The following IQCM variants were observed in gnomAD, a reference collection of about 807,000 sequenced individuals.
IQCM encodes IQ domain-containing protein M.
Under a neutral mutation model 57.6 loss-of-function variants are expected in IQCM, and 45 were observed. The observed-to-expected ratio is 0.78, with a 90% CI of 0.62 to 1.00. The LOEUF (loss-of-function observed/expected upper bound fraction) is 1.00. IQCM is among the 50% of genes least tolerant of loss of function. The pLI, the probability that IQCM is intolerant of heterozygous loss-of-function variation, is 0.00. For missense variants in IQCM, 468 were observed against 511.6 expected (o/e 0.91, Z 0.82); for synonymous variants, 148 against 158.9 (o/e 0.93, Z 0.51).
chr4:149,615,579 T>C lies in IQCM; in HGVS notation c.681+5550A>G, dbSNP rs184909055. On this transcript the variant is annotated intron_variant, in intron 8 of 13. Transcript: ENST00000636793. ...TAAAGCATAAAGACATATAGCACTA[T>C]TGATTTTTTTAATTAGAACTAAAAA... 3.1e-3 allele frequency among the ~76,000 whole-genome samples: 465 copies of C among 152,294 alleles called. 9 individuals are homozygous for C. The highest frequency in any genetic ancestry group is 0.01 in the African/African-American group (417 of 41,566).
At chr4:149,608,067 G>C (rs1336169574) in intron 8 of IQCM, among the ~76,000 whole-genome samples, 1 of 151,320 alleles carries the variant, frequency 6.6e-6, no homozygotes, top group Non-Finnish European at 1.5e-5. Context: ...TTAAAATAAA[G>C]GAATGGAAAA....
intron 2 of IQCM, among the ~76,000 whole-genome samples, chr4:149,806,613 G>A (rs1251186007): frequency 6.6e-6 from 1 of 151,888 alleles, no homozygotes; most frequent in Non-Finnish European, 1.5e-5. Context: ...TTGAGAAATG[G>A]TAATGAACTT....
rs1457888007 is a variant in IQCM, at chr4:149,580,739, AG to A, written c.749+7190del. ...ACACGTAATTATTTCAATTTTGAAA[AG>A]TTGTTATGGGATATTCCAGTGAAGA... On this transcript the variant is annotated intron_variant, in intron 9 of 13. Coordinates refer to ENST00000636793, the MANE Select transcript of IQCM (RefSeq NM_001363507.2). 4.0e-5 allele frequency among the ~76,000 whole-genome samples: 6 copies of A among 151,762 alleles called. No individual in the cohort carries two copies. The East Asian group carries it at 1.2e-3, about 30-fold the overall frequency.
intron 12 of IQCM, among the ~76,000 whole-genome samples, chr4:149,445,526 G>A (rs1736414195): frequency 6.6e-6 from 1 of 151,774 alleles, no homozygotes; most frequent in Non-Finnish European, 1.5e-5. Flanking sequence ...AACCTGGTAA[G>A]ATCAAATATA....
intron 12 of IQCM, among the ~76,000 whole-genome samples, chr4:149,514,925 G>A (rs909541121): frequency 1.8e-4 from 28 of 152,168 alleles, no homozygotes; most frequent in Admixed American, 1.5e-3. Context: ...TGTGCTGGAT[G>A]CTTCCTGCCC....
intron 12 of IQCM, chr4:149,514,624 C>A (rs535451016): frequency 2.0e-5 from 3 of 152,332 alleles, no homozygotes; most frequent in Admixed American, 6.5e-5. Flanking sequence ...GGCAGCTATA[C>A]GCTGCAGGTT....
intron 2 of IQCM, among the ~76,000 whole-genome samples, chr4:149,776,022 A>G (rs1460658350): frequency 1.3e-5 from 2 of 152,162 alleles, no homozygotes; most frequent in African/African-American, 4.8e-5. Flanking sequence ...GTGCTCTTAC[A>G]AATTAAGCCA....
chr4:149,687,758 A>G (rs1762650961), intron 5 of IQCM, among the ~76,000 whole-genome samples: 1 of 151,996 alleles, frequency 6.6e-6, no homozygotes, highest in Non-Finnish European at 1.5e-5. Context: ...ACCATGATCA[A>G]GTGGGTTTCA....
chr4:149,398,347 T>C (rs375701971), intron 13 of IQCM, among the ~76,000 whole-genome samples: 50 of 152,196 alleles, frequency 3.3e-4, no homozygotes, highest in African/African-American at 1.0e-3. Flanking sequence ...TTATTTGTGG[T>C]CTTTTGTAGT....
At chr4:149,474,310 A>G (rs1739934052) in intron 12 of IQCM, among the ~76,000 whole-genome samples, 1 of 152,128 alleles carries the variant, frequency 6.6e-6, no homozygotes, top group Non-Finnish European at 1.5e-5. Flanking sequence ...CAGGCCAGTA[A>G]TCCCAGAACT....
At chr4:149,768,207 G>A (rs542708114) in intron 2 of IQCM, among the ~76,000 whole-genome samples, 43 of 152,222 alleles carry the variant, frequency 2.8e-4, no homozygotes, top group Middle Eastern at 3.4e-3. Flanking sequence ...TAAATTGTTA[G>A]TAATCATGCC....
At chr4:149,354,382 A>AAAAAAAAAAAAAAAAAC (rs764445072) in intron 13 of IQCM, among the ~76,000 whole-genome samples, 1 of 136,486 alleles carries the variant, frequency 7.3e-6, no homozygotes, top group Non-Finnish European at 1.6e-5. Flanking sequence ...AAAAAAAAAA[A>AAAAAAAAAAAAAAAAAC]AAAAAAACTG....
chr4:149,788,560 T>G (rs1772287942), intron 2 of IQCM, among the ~76,000 whole-genome samples: 1 of 152,082 alleles, frequency 6.6e-6, no homozygotes, highest in African/African-American at 2.4e-5. Flanking sequence ...TGTAAATGAG[T>G]ACAGCCACTA....
intron 2 of IQCM, among the ~76,000 whole-genome samples, chr4:149,797,904 C>A (rs1201519632): frequency 2.0e-5 from 3 of 151,398 alleles, no homozygotes; most frequent in African/African-American, 7.3e-5. Flanking sequence ...GTGATTTCAT[C>A]AACACCATAC....
intron 13 of IQCM, among the ~76,000 whole-genome samples, chr4:149,368,771 C>CAT (rs199541659): frequency 0.014 from 1,026 of 73,276 alleles, 150 homozygotes; most frequent in Non-Finnish European, 0.024. Flanking sequence ...TATATATATA[C>CAT]ATATATATAC....
intron 13 of IQCM, among the ~76,000 whole-genome samples, chr4:149,370,440 A>G (rs1422321178): frequency 6.6e-6 from 1 of 152,060 alleles, no homozygotes; most frequent in African/African-American, 2.4e-5. Flanking sequence ...TTTAGCTGTT[A>G]TTATTCCCCT....
rs1773543373 is a variant in IQCM at position 149,800,901 on chromosome 4, T to A, written c.-49+14410A>T. 2.6e-5 allele frequency among the ~76,000 whole-genome samples: 4 copies of A among 151,928 alleles called. No individual in the cohort carries two copies. The South Asian group carries it at 8.3e-4, about 31-fold the overall frequency. On this transcript the variant is annotated intron_variant, in intron 2 of 13. Transcript: ENST00000636793. The stretch of plus-strand genomic sequence containing the variant: ...AGAGTCAATATTGTTAAAAAGTCCA[T>A]ACTTCCCAAAGCACTCACAAATTCA...
chr4:149,655,109 C>A (rs1759523919), intron 7 of IQCM, among the ~76,000 whole-genome samples: 1 of 152,026 alleles, frequency 6.6e-6, no homozygotes, highest in African/African-American at 2.4e-5. Context: ...GAATGACCTA[C>A]CTGTAATTTT....
chr4:149,590,805 T>C (rs1465785536), intron 8 of IQCM, among the ~76,000 whole-genome samples: 2 of 152,116 alleles, frequency 1.3e-5, no homozygotes, highest in Non-Finnish European at 1.5e-5. Context: ...AGCTGCATAG[T>C]ATTCCATGGT....
Sources: allele counts gnomAD v4.1 joint callset (sites outside exome capture counted in the v4.1 genomes callset), GRCh38; gene constraint gnomAD v4.1.1; transcripts MANE v1.5; gene names NCBI Gene and HGNC (gene_info 2026-07-23, HGNC 2026-07-21).